ARHGAP22: variants seen among roughly 807,000 people sequenced by gnomAD.
The protein encoded by ARHGAP22 is rho GTPase-activating protein 22.
In ARHGAP22, 48 loss-of-function variants were observed where a neutral mutation model predicts 59.1. The observed-to-expected ratio is 0.81, with a 90% CI of 0.64 to 1.03. ARHGAP22 has a LOEUF of 1.03. ARHGAP22 is among the 50% of genes least tolerant of loss of function. The pLI, the probability that ARHGAP22 is intolerant of heterozygous loss-of-function variation, is 0.00. For synonymous variants in ARHGAP22, 445 were observed against 416.4 expected (o/e 1.07, Z -0.84); for missense variants, 1,015 against 958.7 (o/e 1.06, Z -0.78).
chr10:48,536,202 C>T (rs2055337771), intron 3 of ARHGAP22, among the ~76,000 whole-genome samples: 1 of 152,236 alleles, frequency 6.6e-6, no homozygotes, highest in Admixed American at 6.5e-5. Context: ...CAGACGAGGG[C>T]ACTGGGTTGC....
intron 3 of ARHGAP22, among the ~76,000 whole-genome samples, chr10:48,544,602 G>A (rs998734923): frequency 2.0e-5 from 3 of 152,246 alleles, no homozygotes; most frequent in African/African-American, 7.2e-5. Flanking sequence ...CTGACATTCA[G>A]TTCCATTGCT....
intron 3 of ARHGAP22, among the ~76,000 whole-genome samples, chr10:48,519,625 G>A (rs1319051457): frequency 1.3e-5 from 2 of 152,234 alleles, no homozygotes; most frequent in African/African-American, 2.4e-5. Context: ...GATCCCCAGC[G>A]GCAGACCCAG....
chr10:48,577,800 G>GTTTT (rs2058824590), intron 2 of ARHGAP22, among the ~76,000 whole-genome samples: 1 of 41,962 alleles, frequency 2.4e-5, no homozygotes, highest in African/African-American at 1.3e-4. Flanking sequence ...GCTCTTTTTT[G>GTTTT]GTTTTTTTTT....
At chr10:48,560,778 T>C (rs2057635346) in intron 2 of ARHGAP22, among the ~76,000 whole-genome samples, 1 of 152,174 alleles carries the variant, frequency 6.6e-6, no homozygotes, top group Non-Finnish European at 1.5e-5. Context: ...TCTTTCTTCA[T>C]TTATTAATAT....
intron 2 of ARHGAP22, among the ~76,000 whole-genome samples, chr10:48,558,985 T>G (rs2057504521): frequency 6.6e-6 from 1 of 152,254 alleles, no homozygotes; most frequent in African/African-American, 2.4e-5. Flanking sequence ...CCATGGCCTT[T>G]GAGAGCCTGT....
intron 3 of ARHGAP22, among the ~76,000 whole-genome samples, chr10:48,528,103 G>A (rs2054497632): frequency 6.6e-6 from 1 of 152,152 alleles, no homozygotes; most frequent in Non-Finnish European, 1.5e-5. Flanking sequence ...CTGTTTCTAG[G>A]GGGTGCTGCT....
At chr10:48,599,830 T>A (rs2060277609) in intron 1 of ARHGAP22, among the ~76,000 whole-genome samples, 1 of 152,196 alleles carries the variant, frequency 6.6e-6, no homozygotes, top group Non-Finnish European at 1.5e-5. Context: ...TTTTGGCCCC[T>A]GCACCTAGTG....
intron 4 of ARHGAP22, among the ~76,000 whole-genome samples, chr10:48,479,362 T>C (rs757730157): frequency 3.9e-5 from 6 of 152,124 alleles, no homozygotes; most frequent in Admixed American, 1.3e-4. Flanking sequence ...GGCGGAGGTG[T>C]GGCCTATCCT....
chr10:48,540,874 G>A (rs2055867081), intron 3 of ARHGAP22, among the ~76,000 whole-genome samples: 1 of 151,940 alleles, frequency 6.6e-6, no homozygotes, highest in Non-Finnish European at 1.5e-5. Flanking sequence ...CAACATCAAG[G>A]CTACTCAACC....
chr10:48,550,075 C>T (rs567985369), intron 3 of ARHGAP22, among the ~76,000 whole-genome samples: 39 of 152,324 alleles, frequency 2.6e-4, no homozygotes, highest in African/African-American at 6.7e-4. Context: ...ACACAGACCC[C>T]GTGCCCACTG....
chr10:48,532,458 A>G (rs1405550823), intron 3 of ARHGAP22: 2 of 152,088 alleles, frequency 1.3e-5, no homozygotes, highest in African/African-American at 4.8e-5. Context: ...CTCTTTTAAC[A>G]CAACCTCCTC....
At position 48,582,019 on chromosome 10, in the gene ARHGAP22, G is replaced by A. The variant is rs543802330; in HGVS notation, c.234+934C>T. Among the ~76,000 whole-genome samples, 15 of 152,300 alleles carry A rather than the reference G, an allele frequency of 9.8e-5. 1 individual carries two copies. In the South Asian group the frequency reaches 2.1e-3, roughly 21 times the overall value. On this transcript the variant is annotated intron_variant, in intron 2 of 9. Coordinates refer to ENST00000249601, the MANE Select transcript of ARHGAP22 (RefSeq NM_021226.4). ...CTCACAGGGTTGACACTTCATCCTT[G>A]ACATGCTTAGAAGAACTGAAAGAGG...
At position 48,604,379 on chromosome 10, in the gene ARHGAP22, G is replaced by T. The variant is rs140824785; in HGVS notation, c.34+384C>A. 2.3e-4 allele frequency among the ~76,000 whole-genome samples: 35 copies of T among 152,362 alleles called. No individual in the cohort carries two copies. In the East Asian group the frequency reaches 6.7e-3, roughly 29 times the overall value. The stretch of plus-strand genomic sequence containing the variant: ...AGAAGCCAGGGCATGGCCTTCCCTG[G>T]TAAGGGGTGCTTCTGTGTTGGCCAC... On this transcript the variant is annotated intron_variant, in intron 1 of 9. Transcript: ENST00000249601.
At chr10:48,567,588 G>A (rs752811893) in intron 2 of ARHGAP22, among the ~76,000 whole-genome samples, 1 of 152,200 alleles carries the variant, frequency 6.6e-6, no homozygotes, top group Non-Finnish European at 1.5e-5. Context: ...GACCATTAGT[G>A]TCATCAAATC....
intron 3 of ARHGAP22, among the ~76,000 whole-genome samples, chr10:48,491,261 G>A (rs898995827): frequency 6.6e-6 from 1 of 152,158 alleles, no homozygotes; most frequent in Non-Finnish European, 1.5e-5. Flanking sequence ...AAGCACACCC[G>A]GCATGCTCCT....
upstream of ARHGAP22, among the ~76,000 whole-genome samples, chr10:48,654,973 TTCCA>T (rs1424460447): frequency 7.1e-6 from 1 of 141,784 alleles, no homozygotes; most frequent in East Asian, 2.0e-4. Flanking sequence ...CCTTCCTTCC[TTCCA>T]TCCTTCCTCC....
chr10:48,440,133 T>C, the ARHGAP22 span, among the ~76,000 whole-genome samples: 1 of 151,238 alleles, frequency 6.6e-6, no homozygotes, highest in East Asian at 1.9e-4. Flanking sequence ...TTTTTTTTTT[T>C]CTTTTTCAGT....
intron 2 of ARHGAP22, among the ~76,000 whole-genome samples, chr10:48,568,569 TG>T (rs1353414576): frequency 6.6e-6 from 1 of 152,258 alleles, no homozygotes; most frequent in African/African-American, 2.4e-5. Context: ...GCACATGCGC[TG>T]AGCCTCTCCA....
intron 3 of ARHGAP22, among the ~76,000 whole-genome samples, chr10:48,540,422 G>A (rs1457561867): frequency 6.6e-6 from 1 of 152,084 alleles, no homozygotes; most frequent in Non-Finnish European, 1.5e-5. Context: ...GTAGAGACGG[G>A]GTTTCTCCAT....
Sources: gnomAD v4.1 joint callset for allele counts (sites outside exome capture counted in the v4.1 genomes callset) on GRCh38, gnomAD v4.1.1 for gene constraint, MANE v1.5 for transcripts, NCBI Gene and HGNC (gene_info 2026-07-23, HGNC 2026-07-21) for gene names.